Variants in DPYD observed in about 807,000 individuals in gnomAD.
The protein encoded by DPYD is dihydropyrimidine dehydrogenase [NADP(+)].
DPYD carries 109 observed loss-of-function variants against 116.2 expected under a neutral mutation model. That is an observed-to-expected ratio of 0.94 (90% confidence interval 0.80 to 1.10). The LOEUF (loss-of-function observed/expected upper bound fraction) is 1.10, where lower values mean the gene tolerates loss of function less well. DPYD is among the 50% of genes least tolerant of loss of function. The probability of loss-of-function intolerance (pLI) is 0.00; values close to 1 mark genes in which losing one functional copy is unlikely to be tolerated. For synonymous variants in DPYD, 440 were observed against 432.0 expected (o/e 1.02, Z -0.23); for missense variants, 1,302 against 1,254.5 (o/e 1.04, Z -0.57).
chr1:97,291,135 A>G (rs1380240495), intron 18 of DPYD, among the ~76,000 whole-genome samples: 2 of 152,220 alleles, frequency 1.3e-5, no homozygotes, highest in East Asian at 3.9e-4. Context: ...AACCACAATG[A>G]TATACCATCT....
chr1:97,866,831 A>G (rs1405329179), intron 2 of DPYD, among the ~76,000 whole-genome samples: 6 of 151,802 alleles, frequency 4.0e-5, no homozygotes, highest in Non-Finnish European at 8.8e-5. Flanking sequence ...ACATAAAGAA[A>G]AGGTAGTGCA....
At chr1:97,428,519 G>A (rs1416749457) in intron 14 of DPYD, among the ~76,000 whole-genome samples, 1 of 152,086 alleles carries the variant, frequency 6.6e-6, no homozygotes, top group Non-Finnish European at 1.5e-5. Context: ...CAGGAAAGCA[G>A]TAGGTTTTGT....
At chr1:97,083,021 A>G (rs769431638) in intron 21 of DPYD, among the ~76,000 whole-genome samples, 2 of 152,098 alleles carry the variant, frequency 1.3e-5, no homozygotes, top group Non-Finnish European at 2.9e-5. Context: ...TAAAAATTCT[A>G]ATTTATGTTA....
intron 2 of DPYD, chr1:97,856,555 A>C (rs1670856598): frequency 6.6e-6 from 1 of 152,236 alleles, no homozygotes; most frequent in African/African-American, 2.4e-5. Flanking sequence ...ACAAATTATT[A>C]ACAATTTACA....
intron 3 of DPYD, among the ~76,000 whole-genome samples, chr1:97,818,617 C>T (rs1668757749): frequency 6.6e-6 from 1 of 151,844 alleles, no homozygotes; most frequent in Non-Finnish European, 1.5e-5. Context: ...CTTCTATTTC[C>T]CCAATTAAAT....
At chr1:97,300,345 G>A (rs1422117993) in intron 18 of DPYD, among the ~76,000 whole-genome samples, 4 of 151,908 alleles carry the variant, frequency 2.6e-5, no homozygotes, top group Admixed American at 6.6e-5. Flanking sequence ...AGCTCTTATC[G>A]ATCAAGATGA....
intron 4 of DPYD, among the ~76,000 whole-genome samples, chr1:97,731,162 T>G (rs558269338): frequency 6.6e-6 from 1 of 152,276 alleles, no homozygotes; most frequent in Middle Eastern, 3.4e-3. Flanking sequence ...ACACCATTTG[T>G]TCTATACAAA....
chr1:97,323,390 ATG>A (rs1429447073), intron 16 of DPYD, among the ~76,000 whole-genome samples: 3 of 107,602 alleles, frequency 2.8e-5, no homozygotes, highest in African/African-American at 5.8e-5. Flanking sequence ...ATGTACACGT[ATG>A]TATACATATG....
intron 4 of DPYD, among the ~76,000 whole-genome samples, chr1:97,731,581 A>G (rs894931438): frequency 6.6e-6 from 1 of 152,040 alleles, no homozygotes; most frequent in African/African-American, 2.4e-5. Context: ...GTTAATATCG[A>G]TAGTATAGTG....
intron 3 of DPYD, among the ~76,000 whole-genome samples, chr1:97,757,331 G>A (rs931893662): frequency 6.6e-6 from 1 of 152,136 alleles, no homozygotes; most frequent in South Asian, 2.1e-4. Flanking sequence ...GCCAGGGTGA[G>A]GAGACAGTGG....
intron 14 of DPYD, among the ~76,000 whole-genome samples, chr1:97,410,111 A>C (rs978034977): frequency 1.2e-4 from 18 of 151,670 alleles, no homozygotes; most frequent in Non-Finnish European, 2.4e-4. Context: ...AAAAACTACA[A>C]ACGACCTCCT....
At chr1:97,399,887 T>C (rs1673266533) in intron 14 of DPYD, among the ~76,000 whole-genome samples, 2 of 152,212 alleles carry the variant, frequency 1.3e-5, no homozygotes, top group South Asian at 4.1e-4. Flanking sequence ...GATCATGTCA[T>C]CTGCAAACAA....
At chr1:97,774,847 G>T in intron 3 of DPYD, 2 of 192,974 alleles carry the variant, frequency 1.0e-5, no homozygotes, top group South Asian at 2.3e-4. Flanking sequence ...ACGGTTTGAC[G>T]ATTTTGAACA....
At chr1:97,230,029 G>C (rs1661479951) in intron 19 of DPYD, among the ~76,000 whole-genome samples, 1 of 152,088 alleles carries the variant, frequency 6.6e-6, no homozygotes, top group African/African-American at 2.4e-5. Context: ...CTATATTTCT[G>C]TTACACACCA....
intron 20 of DPYD, among the ~76,000 whole-genome samples, chr1:97,109,664 T>G (rs1651447801): frequency 6.6e-6 from 1 of 152,128 alleles, no homozygotes; most frequent in Non-Finnish European, 1.5e-5. Context: ...CAGAAACACC[T>G]GTTTTAATCC....
At chr1:97,687,276 T>TCAAA (rs960822175) in intron 7 of DPYD, among the ~76,000 whole-genome samples, 16 of 151,862 alleles carry the variant, frequency 1.1e-4, no homozygotes, top group East Asian at 7.8e-4. Flanking sequence ...ATCCTCCATC[T>TCAAA]CAAACAAACA....
At chr1:97,692,559 T>A (rs1187509966) in intron 6 of DPYD, among the ~76,000 whole-genome samples, 1 of 152,154 alleles carries the variant, frequency 6.6e-6, no homozygotes, top group African/African-American at 2.4e-5. Flanking sequence ...CAGCAATCCA[T>A]TCATTCATTC....
Position 97,550,965 on chromosome 1 carries a change from G to A in DPYD, c.1340-1221C>T, listed in dbSNP as rs1363626378. ...AATGTTAGAGTTGTAGAAAATTATTGAGGGTTTACTGTTGATTGTGTTTTT... is the reference window on the plus strand; with the variant it reads ...AATGTTAGAGTTGTAGAAAATTATTAAGGGTTTACTGTTGATTGTGTTTTT... On this transcript the variant is annotated intron_variant, in intron 11 of 22. Transcript: ENST00000370192. 2.0e-5 allele frequency among the ~76,000 whole-genome samples: 3 copies of A among 152,114 alleles called. No individual in the cohort carries two copies. In the East Asian group the frequency reaches 5.8e-4, roughly 29 times the overall value.
chr1:97,475,227 G>C (rs1407699806), intron 13 of DPYD, among the ~76,000 whole-genome samples: 2 of 151,964 alleles, frequency 1.3e-5, no homozygotes, highest in Non-Finnish European at 2.9e-5. Context: ...AATTGACATA[G>C]GATAATTGAT....
Sources: allele counts gnomAD v4.1 joint callset (sites outside exome capture counted in the v4.1 genomes callset), GRCh38; gene constraint gnomAD v4.1.1; transcripts MANE v1.5; gene names NCBI Gene and HGNC (gene_info 2026-07-23, HGNC 2026-07-21).